Variants in HNRNPH1 observed in about 807,000 individuals in gnomAD.
The protein encoded by HNRNPH1 is heterogeneous nuclear ribonucleoprotein H1.
In HNRNPH1, 4 loss-of-function variants were observed where a neutral mutation model predicts 58.6. That is an observed-to-expected ratio of 0.07 (90% CI 0.03 to 0.16). The LOEUF (loss-of-function observed/expected upper bound fraction) is 0.16, where lower values mean the gene tolerates loss of function less well. Ranked by LOEUF, HNRNPH1 falls within the 10% of genes least tolerant of loss-of-function variation. The pLI is 1.00. For synonymous variants in HNRNPH1, 192 were observed against 189.2 expected (o/e 1.01, Z -0.12); for missense variants, 271 against 564.2 (o/e 0.48, Z 5.26).
At chr5:179,621,701 T>G (rs1772432810) in intron 1 of HNRNPH1, 1 of 410,968 alleles carries the variant, frequency 2.4e-6, no homozygotes. Context: ...TCTCAGAAGA[T>G]TATCAAGCCT....
At chr5:179,623,238 G>T in exon 1 of HNRNPH1, 1 of 719,682 alleles carries the variant, frequency 1.4e-6, no homozygotes, top group South Asian at 1.6e-5. Context: ...GCCCGGGCCC[G>T]CACCGCCCCC....
upstream of HNRNPH1, among the ~76,000 whole-genome samples, chr5:179,627,131 T>A (rs1165811487): frequency 2.1e-4 from 32 of 152,164 alleles, no homozygotes; most frequent in Admixed American, 2.1e-3. Context: ...TTAAGGCTGT[T>A]AGCCCTTAGG....
At chr5:179,627,652 A>G (rs892479926), upstream of HNRNPH1, among the ~76,000 whole-genome samples, 1 of 151,794 alleles carries the variant, frequency 6.6e-6, no homozygotes, top group African/African-American at 2.4e-5. Context: ...GCCAGGTGCA[A>G]TGGCTCACAC....
chr5:179,619,640 AAC>A, intron 3 of HNRNPH1: 1 of 316,032 alleles, frequency 3.2e-6, no homozygotes, highest in Non-Finnish European at 5.7e-6. Context: ...AAACTTGCTG[AAC>A]ACAGGATGCA....
exon 1 of HNRNPH1, chr5:179,624,288 C>T (rs1774111213): frequency 5.2e-6 from 2 of 387,426 alleles, no homozygotes; most frequent in Admixed American, 4.5e-5. Context: ...GGGCACGTCC[C>T]AGCCCTGTGT....
intron 8 of HNRNPH1, 109 bp from the exon 10 acceptor site, chr5:179,617,219 G>A (rs1770214379): frequency 1.8e-6 from 2 of 1,101,746 alleles, no homozygotes; most frequent in African/African-American, 1.6e-5. Context: ...AAATACTTTG[G>A]CAAAGAAATT....
At chr5:179,618,363 G>A (rs1770772813) in intron 4 of HNRNPH1, 40 bp from the exon 6 acceptor site, 3 of 1,386,436 alleles carry the variant, frequency 2.2e-6, no homozygotes, top group East Asian at 4.6e-5. Flanking sequence ...GGAGGGGAGA[G>A]AAAACATTAG....
exon 1 of HNRNPH1, chr5:179,624,198 G>A: frequency 3.5e-6 from 1 of 287,316 alleles, no homozygotes. Flanking sequence ...GCCGAAGCTG[G>A]TCAGCTGCAG....
At chr5:179,615,199 A>G in intron 12 of HNRNPH1, 1 of 442,816 alleles carries the variant, frequency 2.3e-6, no homozygotes, top group Non-Finnish European at 4.0e-6. Flanking sequence ...CTTCAGGATC[A>G]ACATGAAAAA....
chr5:179,620,821 TAAC>T, intron 3 of HNRNPH1, 68 bp downstream of exon 4: 1 of 1,404,750 alleles, frequency 7.1e-7, no homozygotes, highest in Non-Finnish European at 1.0e-6. Flanking sequence ...TACTCAACTT[TAAC>T]GTCTATTAAA....
intron 4 of HNRNPH1, 40 bp downstream of exon 5, chr5:179,619,229 A>C: frequency 6.5e-7 from 1 of 1,533,518 alleles, no homozygotes; most frequent in Non-Finnish European, 8.9e-7. Flanking sequence ...ATTGTTTACC[A>C]TAAGAAAAGT....
chr5:179,618,086 A>G, intron 5 of HNRNPH1, 26 bp from the exon 7 acceptor site: 1 of 1,613,624 alleles, frequency 6.2e-7, no homozygotes, highest in South Asian at 1.1e-5. Context: ...CAATCAATCA[A>G]ATAAAACACC....
chr5:179,615,470 G>A, intron 12 of HNRNPH1, 76 bp downstream of exon 13: 1 of 776,656 alleles, frequency 1.3e-6, no homozygotes, highest in Non-Finnish European at 2.1e-6. Flanking sequence ...CAGAGCCATT[G>A]ACTGCTATAG....
chr5:179,623,446 TAG>T (rs1312861681), exon 1 of HNRNPH1: 2 of 216,870 alleles, frequency 9.2e-6, no homozygotes, highest in Non-Finnish European at 1.9e-5. Flanking sequence ...TCTCACACAA[TAG>T]AGTCGGCGCG....
chr5:179,614,857 C>CCACT (rs1562188774), exon 13 of HNRNPH1: 1 of 1,530,154 alleles, frequency 6.5e-7, no homozygotes, highest in Non-Finnish European at 8.9e-7. Context: ...TCCCCATCCA[C>CCACT]CACTCATACT....
chr5:179,616,254 T>G (rs879685409), intron 10 of HNRNPH1, 36 bp from the exon 12 acceptor site: 3 of 1,518,380 alleles, frequency 2.0e-6, no homozygotes, highest in Non-Finnish European at 2.7e-6. Context: ...CCTTTTTTCT[T>G]ATGTGATGTG....
intron 1 of HNRNPH1, chr5:179,621,995 T>A: frequency 2.2e-6 from 1 of 456,254 alleles, no homozygotes; most frequent in Non-Finnish European, 4.4e-6. Flanking sequence ...AGATAGTAAG[T>A]CAATACTACA....
intron 11 of HNRNPH1, 192 bp from the exon 13 acceptor site, chr5:179,615,787 AGTGAACAACTTT>A: frequency 3.9e-6 from 2 of 516,422 alleles, no homozygotes; most frequent in Non-Finnish European, 7.0e-6. Flanking sequence ...AAGACAAAAA[AGTGAACAACTTT>A]ATTTAATGTT....
At chr5:179,618,122 G>GAT (rs1562250249) in intron 5 of HNRNPH1, 23 bp downstream of exon 6, 1 of 1,613,226 alleles carries the variant, frequency 6.2e-7, no homozygotes, top group African/African-American at 1.3e-5. Context: ...ACGACTTGCC[G>GAT]AACCTTACGA....
Sources: allele counts gnomAD v4.1 joint callset (sites outside exome capture counted in the v4.1 genomes callset), GRCh38; gene constraint gnomAD v4.1.1; transcripts MANE v1.5; gene names NCBI Gene and HGNC (gene_info 2026-07-23, HGNC 2026-07-21).